Variants in NCKAP5 observed in about 807,000 individuals in gnomAD.
The protein encoded by NCKAP5 is NCK associated protein 5, also known as nck-associated protein 5.
NCKAP5 carries 92 observed loss-of-function variants against 167.0 expected under a neutral mutation model. The observed-to-expected ratio is 0.55, with a 90% CI of 0.47 to 0.66. The LOEUF (loss-of-function observed/expected upper bound fraction) is 0.66, where lower values mean the gene tolerates loss of function less well. Ranked by LOEUF, NCKAP5 falls within the 30% of genes least tolerant of loss-of-function variation. The pLI is 0.00. For missense variants in NCKAP5, 2,378 were observed against 2,315.0 expected, an observed-to-expected ratio of 1.03 and a Z score of -0.56; for synonymous variants, 891 against 877.4, an observed-to-expected ratio of 1.02 and a Z score of -0.27.
rs1038780490 is a variant in NCKAP5, at chr2:132,859,781, C to T, written c.807+711G>A. Among the ~76,000 whole-genome samples, 9 of 152,298 alleles carry T rather than the reference C, an allele frequency of 5.9e-5. No individual in the cohort carries two copies. In the East Asian group the frequency reaches 1.5e-3, roughly 26 times the overall value. ...GGGAGCTTGTTTAAGCAAATATACA[C>T]ATTAATAGGATCACAAAGATCGGAA... is the stretch of plus-strand genomic sequence containing the variant. On this transcript the variant is annotated intron_variant, in intron 11 of 19. Coordinates refer to ENST00000409261, the MANE Select transcript of NCKAP5 (RefSeq NM_207363.3).
intron 8 of NCKAP5, among the ~76,000 whole-genome samples, chr2:132,891,146 T>C (rs1692667556): frequency 6.6e-6 from 1 of 152,234 alleles, no homozygotes; most frequent in South Asian, 2.1e-4. Flanking sequence ...ATGAAACCTC[T>C]GTGTACTTCT....
At chr2:133,249,799 A>G (rs1158162967) in intron 4 of NCKAP5, among the ~76,000 whole-genome samples, 1 of 152,160 alleles carries the variant, frequency 6.6e-6, no homozygotes, top group Non-Finnish European at 1.5e-5. Context: ...CCAAGGGAAC[A>G]CAAGGTGGGG....
chr2:132,895,778 T>C, intron 8 of NCKAP5, among the ~76,000 whole-genome samples: 1 of 150,854 alleles, frequency 6.6e-6, no homozygotes, highest in East Asian at 2.0e-4. Flanking sequence ...TGAGTGGCTT[T>C]CTTCAGGCCA....
At chr2:133,224,303 G>A (rs573351953) in intron 4 of NCKAP5, among the ~76,000 whole-genome samples, 9 of 152,284 alleles carry the variant, frequency 5.9e-5, no homozygotes, top group East Asian at 1.9e-4. Context: ...TGCATCCAGA[G>A]CACAAACATA....
intron 3 of NCKAP5, among the ~76,000 whole-genome samples, chr2:133,384,089 T>G (rs2150959826): frequency 6.6e-6 from 1 of 152,346 alleles, no homozygotes; most frequent in African/African-American, 2.4e-5. Context: ...TTTTGACTTT[T>G]GTTGCCATTG....
chr2:133,374,107 C>T (rs58125827), intron 3 of NCKAP5, among the ~76,000 whole-genome samples: 6,503 of 152,248 alleles, frequency 0.043, 423 homozygotes, highest in African/African-American at 0.14. Context: ...TGGAAGCAAA[C>T]AAAATGTTTC....
At chr2:132,746,214 C>T (rs907897109) in intron 16 of NCKAP5, among the ~76,000 whole-genome samples, 2 of 151,978 alleles carry the variant, frequency 1.3e-5, no homozygotes, top group Admixed American at 6.6e-5. Context: ...GCACATAGGT[C>T]AGTGGAACAG....
At chr2:132,944,623 T>C (rs187980282) in intron 8 of NCKAP5, among the ~76,000 whole-genome samples, 23 of 152,270 alleles carry the variant, frequency 1.5e-4, no homozygotes, top group Admixed American at 2.6e-4. Flanking sequence ...ATGGGCTACT[T>C]TGGGAAGTAG....
At chr2:133,623,656 A>G in the NCKAP5 span, among the ~76,000 whole-genome samples, 2 of 151,960 alleles carry the variant, frequency 1.3e-5, no homozygotes, top group Non-Finnish European at 2.9e-5. Context: ...AGATGTTGGC[A>G]TGGATGCAGT....
At chr2:133,250,031 A>ATTATTATTATTATTATTG (rs377471618) in intron 4 of NCKAP5, among the ~76,000 whole-genome samples, 1 of 148,310 alleles carries the variant, frequency 6.7e-6, no homozygotes, top group Non-Finnish European at 1.5e-5. Context: ...TATTATTATT[A>ATTATTATTATTATTATTG]TTATTTTACT....
chr2:132,961,320 A>G (rs200439504), intron 8 of NCKAP5, among the ~76,000 whole-genome samples: 1 of 123,216 alleles, frequency 8.1e-6, no homozygotes, highest in Non-Finnish European at 1.6e-5. Flanking sequence ...ATCTATATAT[A>G]AGAAGATATA....
At chr2:132,849,677 G>A (rs113551276) in intron 11 of NCKAP5, among the ~76,000 whole-genome samples, 3 of 152,270 alleles carry the variant, frequency 2.0e-5, no homozygotes, top group African/African-American at 7.2e-5. Context: ...ATGGCCCGAG[G>A]TCACCTAGTC....
At chr2:133,015,684 T>A (rs545473885) in intron 6 of NCKAP5, among the ~76,000 whole-genome samples, 1 of 152,306 alleles carries the variant, frequency 6.6e-6, no homozygotes, top group African/African-American at 2.4e-5. Context: ...GTCTTAACAT[T>A]GTTGGGTGCA....
At chr2:133,049,792 A>T (rs1035863737) in intron 6 of NCKAP5, among the ~76,000 whole-genome samples, 1 of 152,088 alleles carries the variant, frequency 6.6e-6, no homozygotes, top group African/African-American at 2.4e-5. Context: ...CACTCAACCT[A>T]AATCCCAGGT....
intron 6 of NCKAP5, among the ~76,000 whole-genome samples, chr2:133,085,943 A>G (rs1400954342): frequency 2.6e-5 from 4 of 152,194 alleles, no homozygotes; most frequent in African/African-American, 7.2e-5. Flanking sequence ...GCACTGATTT[A>G]CCACAGATAA....
chr2:133,093,696 T>C (rs1399165772), intron 6 of NCKAP5, among the ~76,000 whole-genome samples: 1 of 152,132 alleles, frequency 6.6e-6, no homozygotes, highest in African/African-American at 2.4e-5. Context: ...CTGGTCAGAG[T>C]GGACAGGACA....
At chr2:133,187,526 A>C (rs2150062070) in intron 5 of NCKAP5, among the ~76,000 whole-genome samples, 1 of 152,198 alleles carries the variant, frequency 6.6e-6, no homozygotes, top group Admixed American at 6.6e-5. Flanking sequence ...CCCATATATA[A>C]GTATACAATA....
At chr2:133,020,949 G>A (rs554232007) in intron 6 of NCKAP5, among the ~76,000 whole-genome samples, 4 of 152,258 alleles carry the variant, frequency 2.6e-5, no homozygotes, top group South Asian at 2.1e-4. Context: ...GCACCAGGAC[G>A]GACAATGTCA....
At chr2:133,672,772 TGTA>T in the NCKAP5 span, among the ~76,000 whole-genome samples, 1 of 152,232 alleles carries the variant, frequency 6.6e-6, no homozygotes, top group African/African-American at 2.4e-5. Flanking sequence ...GCCTGTGATC[TGTA>T]GTTTGTCAAC....
Sources: allele counts gnomAD v4.1 joint callset (sites outside exome capture counted in the v4.1 genomes callset), GRCh38; gene constraint gnomAD v4.1.1; transcripts MANE v1.5; gene names NCBI Gene and HGNC (gene_info 2026-07-23, HGNC 2026-07-21).